The following VWA5B1 variants were observed in gnomAD, a reference collection of about 807,000 sequenced individuals.
The protein encoded by VWA5B1 is von Willebrand factor A domain containing 5B1, also known as von Willebrand factor A domain-containing protein 5B1.
In VWA5B1, 115 loss-of-function variants were observed where a neutral mutation model predicts 118.2. The ratio of observed to expected loss-of-function variants is 0.97; its 90% confidence interval spans 0.84 to 1.14. VWA5B1 has a LOEUF of 1.14. Among genes scored for constraint, VWA5B1 ranks in the 50% most tolerant of loss-of-function variants. The pLI, the probability that VWA5B1 is intolerant of heterozygous loss-of-function variation, is 0.00. For synonymous variants in VWA5B1, 682 were observed against 658.4 expected, an observed-to-expected ratio of 1.04 and a Z score of -0.55; for missense variants, 1,596 against 1,603.8, an observed-to-expected ratio of 1.00 and a Z score of 0.08.
At chr1:20,295,949 G>A (rs548418530) in intron 1 of VWA5B1, among the ~76,000 whole-genome samples, 2 of 152,234 alleles carry the variant, frequency 1.3e-5, no homozygotes, top group South Asian at 2.1e-4. Flanking sequence ...TGCAACCTCC[G>A]CCTCCTAGGT....
chr1:20,350,949 G>T, intron 20 of VWA5B1, 23 bp downstream of exon 20: 2 of 1,550,172 alleles, frequency 1.3e-6, no homozygotes, highest in East Asian at 2.4e-5. Context: ...TCCAATAAAG[G>T]TACACTCTCC....
At chr1:20,301,975 C>T (rs769029004) in intron 1 of VWA5B1, among the ~76,000 whole-genome samples, 14 of 152,164 alleles carry the variant, frequency 9.2e-5, no homozygotes, top group East Asian at 1.9e-4. Flanking sequence ...TGATCTAATC[C>T]GACAAGCATC....
intron 19 of VWA5B1, among the ~76,000 whole-genome samples, chr1:20,350,500 C>T (rs907424648): frequency 2.6e-5 from 4 of 152,168 alleles, no homozygotes; most frequent in Non-Finnish European, 4.4e-5. Context: ...ACCATTTTTG[C>T]CACTCCGCTC....
At position 20,334,677 on chromosome 1, in the gene VWA5B1, G is replaced by A. The variant is rs183158456; in HGVS notation, c.1759-1626G>A. On this transcript the variant is annotated intron_variant, in intron 12 of 21. Coordinates refer to ENST00000289815, the MANE Select transcript of VWA5B1 (RefSeq NM_001039500.3). ...AATACAAAAATTAGCCAGGCGTGGC[G>A]TCAGTCACCTGCAACCCCAGCTACT... Among the ~76,000 whole-genome samples the A allele has an allele frequency of 5.1e-4, 78 of 152,180 alleles. No individual in the cohort carries two copies. In the East Asian group the frequency reaches 0.01, roughly 20 times the overall value.
rs1404001079 is a variant in VWA5B1 at position 20,314,354 on chromosome 1, C to A, written c.325C>A (p.Pro109Thr). 1.3e-6 allele frequency: 2 copies of A among 1,551,906 alleles called. No homozygotes were observed. Among genetic ancestry groups the A allele is most frequent in the Admixed American group, 2.0e-5 (1 of 51,010 alleles). The change falls in exon 4 of 22, where the codon CCT (proline) becomes ACT (threonine). Residue 109 changes from proline (P) to threonine (T), a missense_variant. By Grantham distance (38) the Pro-to-Thr change is conservative. Coordinates refer to ENST00000289815, the MANE Select transcript of VWA5B1 (RefSeq NM_001039500.3). ...TCTGCAAGACGGGGTTTCCATAGCC[C>A]CTCATTCCTGCACACCGGGAAAGGT... The part of the protein sequence containing the change: ...NILQDGVSIA[P>T]HSCTPGKVTL...
At chr1:20,335,242 G>A (rs1014865272) in intron 12 of VWA5B1, among the ~76,000 whole-genome samples, 1 of 152,170 alleles carries the variant, frequency 6.6e-6, no homozygotes, top group African/African-American at 2.4e-5. Flanking sequence ...TCAAGCCCAG[G>A]AGTTGGAGGC....
chr1:20,321,836 TATAGGGAGC>T (rs757227480), intron 7 of VWA5B1, among the ~76,000 whole-genome samples: 2 of 151,892 alleles, frequency 1.3e-5, no homozygotes, highest in Non-Finnish European at 2.9e-5. Flanking sequence ...GCGGCTGAAA[TATAGGGAGC>T]AGAGTGGGTA....
At position 20,317,606 on chromosome 1, in the gene VWA5B1, G is replaced by A. The variant is rs368894341; in HGVS notation, c.640G>A (p.Glu214Lys). The A allele has an allele frequency of 2.2e-4, 338 of 1,551,792 alleles. No individual in the cohort carries two copies. The highest frequency in any genetic ancestry group is 5.0e-4 in the Middle Eastern group (3 of 6,018). ...GTGCCTGGCGACTCTCCTGAACACC[G>A]AAGTGTCCAACCCCATGGAGTATGA... Reference protein sequence around the residue: ...KLCLATLLNTEVSNPMEYEFN... With the variant: ...KLCLATLLNTKVSNPMEYEFN... Residue 214 changes from glutamate (E) to lysine (K), a missense_variant, in exon 5 of 22, where the codon GAA (glutamate) becomes AAA (lysine). Glu to Lys is a moderately conservative substitution (Grantham distance 56). Coordinates refer to ENST00000289815, the MANE Select transcript of VWA5B1 (RefSeq NM_001039500.3).
intron 11 of VWA5B1, 101 bp from the exon 12 acceptor site, chr1:20,332,665 T>A (rs1055870552): frequency 1.4e-5 from 18 of 1,317,692 alleles, no homozygotes; most frequent in Non-Finnish European, 1.8e-5. Flanking sequence ...TACTGTCCCC[T>A]CTTCCCTGCT....
In VWA5B1 at chr1:20,319,512, G is replaced by A. The variant is rs1192352699; in HGVS notation, c.966+6G>A. ...AGAGCAGAGCAGAGCGGAAGGTGAG[G>A]GCAACTGAGGTGGGGAGCGGACGGT... On this transcript the variant is annotated splice_donor_region_variant and intron_variant, in intron 7 of 21. Transcript: ENST00000289815. 1.3e-6 allele frequency: 2 copies of A among 1,551,540 alleles called. No individual in the cohort carries two copies. Among genetic ancestry groups the A allele is most frequent in the Non-Finnish European group, 8.7e-7 (1 of 1,147,002 alleles).
intron 5 of VWA5B1, 176 bp from the exon 6 acceptor site, chr1:20,318,414 C>A: frequency 1.2e-6 from 1 of 844,446 alleles, no homozygotes. Context: ...TCTAAGCTTT[C>A]ATTTTACAGG....
chr1:20,299,976 C>T (rs563218191), intron 1 of VWA5B1, among the ~76,000 whole-genome samples: 3 of 152,192 alleles, frequency 2.0e-5, no homozygotes, highest in East Asian at 1.9e-4. Context: ...GGCAGGTGCA[C>T]TAACTCAGCC....
In VWA5B1 at chr1:20,337,626, C is replaced by A. The variant is rs547207204; in HGVS notation, c.1943-20C>A. 2 of 1,538,460 alleles carry A rather than the reference C, an allele frequency of 1.3e-6. No homozygotes were observed. Among genetic ancestry groups the A allele is most frequent in the African/African-American group, 1.4e-5 (1 of 72,892 alleles). On this transcript the variant is annotated intron_variant, in intron 13 of 21. Coordinates refer to ENST00000289815, the MANE Select transcript of VWA5B1 (RefSeq NM_001039500.3). ...CCTGCTGTCCCACTCTGATGGTTCC[C>A]CATCACTATCCCTGTCCAGATCTGA...
rs143849605 is a variant in VWA5B1 at position 20,312,317 on chromosome 1, C to T, written c.140-519C>T. 2.5e-3 allele frequency among the ~76,000 whole-genome samples: 382 copies of T among 152,118 alleles called. 2 individuals carry two copies. The highest frequency in any genetic ancestry group is 6.8e-3 in the Middle Eastern group (2 of 294). On this transcript the variant is annotated intron_variant, in intron 2 of 21. Transcript: ENST00000289815. ...GCTTAATAAATGATGCCTATTTTTT[C>T]GATTCTCACTACAAACCCTGGGAAT...
chr1:20,353,347 G>A (rs2090166758), intron 21 of VWA5B1, among the ~76,000 whole-genome samples: 1 of 152,134 alleles, frequency 6.6e-6, no homozygotes, highest in South Asian at 2.1e-4. Flanking sequence ...GTGGGGAGAG[G>A]GGAGGAAAGA....
At chr1:20,330,441 A>C in intron 10 of VWA5B1, 59 bp downstream of exon 10, 2 of 1,539,930 alleles carry the variant, frequency 1.3e-6, no homozygotes, top group Middle Eastern at 2.1e-4. Flanking sequence ...CTGGGGCGCC[A>C]GAGCCCAAGG....
In VWA5B1 at chr1:20,349,200, G is replaced by A. The variant is rs760473647; in HGVS notation, c.2878+842G>A. 25 of 449,742 alleles carry A rather than the reference G, an allele frequency of 5.6e-5. 1 individual carries two copies. The highest frequency in any genetic ancestry group is 3.5e-4 in the South Asian group (22 of 63,296). 27.9% of individuals were successfully genotyped at this position (449,742 alleles called of 1,614,324 possible). On this transcript the variant is annotated intron_variant, in intron 18 of 21. Coordinates refer to ENST00000289815, the MANE Select transcript of VWA5B1 (RefSeq NM_001039500.3). ...CCCAGAGGAGCTCTTCAGAATCAAA[G>A]TGTTCTCTCAACTTCTTGGTCCCAT... is the stretch of plus-strand genomic sequence containing the variant.
In VWA5B1 at chr1:20,332,808, G is replaced by T. The variant is rs982345891; in HGVS notation, c.1615G>T (p.Asp539Tyr). The change falls in exon 12 of 22, where the codon GAT becomes TAT. Residue 539 changes from aspartate to tyrosine, a missense_variant. Transcript: ENST00000289815. ...GAAGGCCATGGCCCCAGTCCTGAGC[G>T]ATGTGACTGTGGAGTGGATCTTCCC... ...LKKAMAPVLS[D>Y]VTVEWIFPET... The T allele has an allele frequency of 5.2e-6, 8 of 1,551,656 alleles. No individual in the cohort carries two copies. Among genetic ancestry groups the T allele is most frequent in the Non-Finnish European group, 6.1e-6 (7 of 1,147,030 alleles).
chr1:20,342,706 G>C (rs1430902776), intron 15 of VWA5B1, 97 bp downstream of exon 15: 14 of 1,383,582 alleles, frequency 1.0e-5, no homozygotes, highest in South Asian at 3.1e-5. Context: ...CAGATGCCTG[G>C]GTCTGTCCCC....
Sources: allele counts gnomAD v4.1 joint callset (sites outside exome capture counted in the v4.1 genomes callset), GRCh38; gene constraint gnomAD v4.1.1; transcripts MANE v1.5; gene names NCBI Gene and HGNC (gene_info 2026-07-23, HGNC 2026-07-21).